Variants in ERAP2 observed in about 807,000 individuals in gnomAD.
ERAP2 encodes the protein leukocyte-derived arginine aminopeptidase.
Under a neutral mutation model 111.1 loss-of-function variants are expected in ERAP2, and 118 were observed. The ratio of observed to expected loss-of-function variants is 1.06; its 90% CI spans 0.92 to 1.24. The LOEUF is 1.24. ERAP2 is among the 50% of genes most tolerant of loss of function. ERAP2 has a pLI of 0.00. For synonymous variants in ERAP2, 410 were observed against 401.2 expected (o/e 1.02, Z -0.26); for missense variants, 1,131 against 1,125.8 (o/e 1.00, Z -0.07).
At chr5:96,900,841 T>C (rs1373082104) in intron 10 of ERAP2, among the ~76,000 whole-genome samples, 1 of 152,096 alleles carries the variant, frequency 6.6e-6, no homozygotes, top group Non-Finnish European at 1.5e-5. Context: ...CATGCCCGGC[T>C]AATTTTTTTG....
At chr5:96,907,711 G>T (rs955022049) in intron 13 of ERAP2, among the ~76,000 whole-genome samples, 1 of 151,880 alleles carries the variant, frequency 6.6e-6, no homozygotes, top group Admixed American at 6.6e-5. Flanking sequence ...GTGAAATCCC[G>T]TCTCTACTAA....
chr5:96,918,423 AT>A lies in ERAP2; in HGVS notation c.*820del, dbSNP rs1787676542. The stretch of plus-strand genomic sequence containing the variant: ...CAGAGACTTTGCCACCAAATCTCAG[AT>A]TATTAGAAACTAGGTGTCAGGGTTT... On this transcript the variant is annotated 3_prime_UTR_variant, in exon 19 of 19. Transcript: ENST00000437043. 2 of 152,254 alleles carry A rather than the reference AT, an allele frequency of 1.3e-5. No homozygotes were observed. Among genetic ancestry groups the A allele is most frequent in the South Asian group, 4.1e-4 (2 of 4,832 alleles). The allele number at this position is 152,254 out of a possible 1,614,324, so 9.4% of individuals were successfully genotyped here.
Position 96,913,321 on chromosome 5 carries a change from A to G in ERAP2, c.2521A>G (p.Ile841Val), listed in dbSNP as rs1053645949. Residue 841 changes from isoleucine to valine, a missense_variant, in exon 17 of 19, where the codon ATT becomes GTT. By Grantham distance (29) the Ile-to-Val change is conservative. Transcript: ENST00000437043. ...AAATTATTTTTCTTTCTTCAGGTTA[A>G]TTGAACTAGGAATGGAAGGAAAGGT... ...SKHQEKLLKL[I>V]ELGMEGKVIK... 2 of 1,613,514 alleles carry G rather than the reference A, an allele frequency of 1.2e-6. No homozygotes were observed. Among genetic ancestry groups the G allele is most frequent in the African/African-American group, 1.3e-5 (1 of 74,876 alleles).
At position 96,883,830 on chromosome 5, in the gene ERAP2, G is replaced by A. The variant is rs73150323; in HGVS notation, c.614G>A (p.Arg205His). The change falls in exon 3 of 19, where the codon CGC becomes CAC. Residue 205 changes from arginine to histidine, a missense_variant. Physicochemically the swap from Arg to His is conservative, Grantham distance 29 (BLOSUM62 0). This residue lies in a region of ERAP2 where 847 missense variants were observed against 856.5 expected (regional missense o/e 0.99). Coordinates refer to ENST00000437043, the MANE Select transcript of ERAP2 (RefSeq NM_022350.5). ...ACAGATTTTGAGCCAACCCAGGCAC[G>A]CATGGCTTTCCCTTGCTTTGATGAA... ...AVTDFEPTQA[R>H]MAFPCFDEPL... The A allele has an allele frequency of 6.3e-5, 101 of 1,613,276 alleles. No individual in the cohort carries two copies. The African/African-American group carries it at 8.1e-4, about 13-fold the overall frequency.
intron 3 of ERAP2, among the ~76,000 whole-genome samples, chr5:96,885,729 T>C (rs1225921538): frequency 6.9e-6 from 1 of 144,914 alleles, no homozygotes; most frequent in Admixed American, 6.8e-5. Flanking sequence ...CTAGGAGTTG[T>C]GACTAGCTTG....
At chr5:96,889,596 C>T (rs939230566) in intron 5 of ERAP2, 17 of 664,360 alleles carry the variant, frequency 2.6e-5, no homozygotes, top group East Asian at 7.5e-5. Context: ...GAGGCTGGGA[C>T]GGAAGCCAGG....
At chr5:96,888,476 G>C (rs2151137773) in intron 4 of ERAP2, among the ~76,000 whole-genome samples, 1 of 152,332 alleles carries the variant, frequency 6.6e-6, no homozygotes, top group East Asian at 1.9e-4. Flanking sequence ...GTGGGCACAA[G>C]TATTAAATTA....
At chr5:96,900,988 G>T (rs1007146058) in intron 10 of ERAP2, among the ~76,000 whole-genome samples, 1 of 152,130 alleles carries the variant, frequency 6.6e-6, no homozygotes, top group Admixed American at 6.6e-5. Context: ...TCTAAAGGAA[G>T]GTTCAGCATC....
chr5:96,908,675 T>C (rs1050384537), intron 13 of ERAP2, among the ~76,000 whole-genome samples: 1 of 152,244 alleles, frequency 6.6e-6, no homozygotes, highest in African/African-American at 2.4e-5. Context: ...GTAGACATTA[T>C]TCTAAATGCT....
Position 96,884,068 on chromosome 5 carries a change from ATCTATCT to A in ERAP2, c.714+139_714+145del, listed in dbSNP as rs1413505189. On this transcript the variant is annotated intron_variant, in intron 3 of 18. Transcript: ENST00000437043. ...TATCTATCTATCTATCTATCTATCT[ATCTATCT>A]ATCTATCATCATAATTTCAATCATT... The A allele has an allele frequency of 4.6e-6, 3 of 657,444 alleles. No individual in the cohort carries two copies. The African/African-American group carries it at 5.9e-5, about 13-fold the overall frequency. The allele number at this position is 657,444 out of a possible 1,614,324, so 40.7% of individuals were successfully genotyped here. A position where few individuals can be genotyped will look rare whatever the true frequency, so the allele number is the denominator to read the frequency against.
intron 14 of ERAP2, 116 bp from the exon 15 acceptor site, chr5:96,909,463 GT>G (rs1450954082): frequency 1.3e-6 from 1 of 799,362 alleles, no homozygotes; most frequent in Non-Finnish European, 2.1e-6. Flanking sequence ...AAGATACACT[GT>G]TTGGGGAAAG....
intron 1 of ERAP2, among the ~76,000 whole-genome samples, chr5:96,877,100 G>A (rs1782611083): frequency 6.6e-6 from 1 of 152,094 alleles, no homozygotes; most frequent in South Asian, 2.1e-4. Flanking sequence ...TCAGCCTCCC[G>A]AGTAGCTAGG....
In ERAP2 at chr5:96,892,334, A is replaced by T. The variant is rs1784468919; in HGVS notation, c.1006A>T (p.Met336Leu). ...TATTCCTGACTTTGCACCTGGAGCC[A>T]TGGAAAATTGGGGCCTCATTACATA... ...IAIPDFAPGAMENWGLITYRE... is the reference protein window; with the variant it reads ...IAIPDFAPGALENWGLITYRE... The change falls in exon 6 of 19, where the codon ATG becomes TTG. Residue 336 changes from methionine to leucine, a missense_variant. By Grantham distance (15) the Met-to-Leu change is conservative. Transcript: ENST00000437043. 1 of 1,613,872 alleles carries T rather than the reference A, an allele frequency of 6.2e-7. No individual in the cohort carries two copies. The highest frequency in any genetic ancestry group is 8.5e-7 in the Non-Finnish European group (1 of 1,179,894).
At chr5:96,883,107 C>T (rs990328573) in intron 2 of ERAP2, among the ~76,000 whole-genome samples, 1 of 152,154 alleles carries the variant, frequency 6.6e-6, no homozygotes, top group African/African-American at 2.4e-5. Context: ...GTGCCACAGA[C>T]AGACCATTAG....
intron 17 of ERAP2, among the ~76,000 whole-genome samples, 174 bp downstream of exon 17, chr5:96,913,631 G>A (rs940403151): frequency 1.3e-5 from 2 of 152,208 alleles, no homozygotes; most frequent in African/African-American, 4.8e-5. Context: ...CCAGGAGTAA[G>A]GGAGAGACAT....
intron 1 of ERAP2, among the ~76,000 whole-genome samples, chr5:96,878,550 T>C (rs1474354829): frequency 2.6e-5 from 4 of 152,160 alleles, no homozygotes; most frequent in East Asian, 1.9e-4. Flanking sequence ...TTCCAGCTAA[T>C]TGGGAGGCTG....
At chr5:96,911,882 G>A (rs139805597) in intron 15 of ERAP2, among the ~76,000 whole-genome samples, 40,081 of 103,024 alleles carry the variant, frequency 0.39, 10,228 homozygotes, top group African/African-American at 0.41. Context: ...AAAAAAAAAA[G>A]AAAGAAAGAA....
chr5:96,885,398 A>G (rs1460798467), intron 3 of ERAP2, among the ~76,000 whole-genome samples: 2 of 152,220 alleles, frequency 1.3e-5, no homozygotes, highest in African/African-American at 2.4e-5. Context: ...AATTTGCTGG[A>G]TAGAGTTCTT....
Position 96,896,648 on chromosome 5 carries a change from C to T in ERAP2, c.1372-84C>T, listed in dbSNP as rs919579470. 203 of 1,458,182 alleles carry T rather than the reference C, an allele frequency of 1.4e-4. No individual in the cohort carries two copies. The Middle Eastern group carries it at 2.0e-3, about 14-fold the overall frequency. 90.3% of individuals were successfully genotyped at this position (1,458,182 alleles called of 1,614,324 possible). A position where few individuals can be genotyped will look rare whatever the true frequency, so the allele number is the denominator to read the frequency against. Reference sequence around the variant, plus strand: ...CACTTTTCAGACATCACACATGTTCCGTAAAATTTAAGCTTCCTTTAAAAA... The same window carrying T: ...CACTTTTCAGACATCACACATGTTCTGTAAAATTTAAGCTTCCTTTAAAAA... On this transcript the variant is annotated intron_variant, in intron 8 of 18. Transcript: ENST00000437043.
Sources: gnomAD v4.1 joint callset for allele counts (sites outside exome capture counted in the v4.1 genomes callset) on GRCh38, gnomAD v4.1.1 for gene constraint, gnomAD v4.1.1 regional missense constraint, MANE v1.5 for transcripts, NCBI Gene and HGNC (gene_info 2026-07-23, HGNC 2026-07-21) for gene names.